TENM2: variants seen among roughly 807,000 people sequenced by gnomAD.
TENM2 encodes teneurin transmembrane protein 2.
In TENM2, 52 loss-of-function variants were observed where a neutral mutation model predicts 245.2. The ratio of observed to expected loss-of-function variants is 0.21; its 90% CI spans 0.17 to 0.27. The LOEUF is 0.27. Ranked by LOEUF, TENM2 falls within the 10% of genes least tolerant of loss-of-function variation. The pLI is 1.00. For synonymous variants in TENM2, 1,363 were observed against 1,438.9 expected (o/e 0.95, Z 1.19); for missense variants, 3,046 against 3,666.8 (o/e 0.83, Z 4.37).
intron 2 of TENM2, among the ~76,000 whole-genome samples, chr5:167,835,703 C>G (rs1302021310): frequency 6.6e-6 from 1 of 151,578 alleles, no homozygotes; most frequent in East Asian, 1.9e-4. Context: ...ATGGAAGCTG[C>G]ATATGAATAT....
intron 20 of TENM2, among the ~76,000 whole-genome samples, chr5:168,212,876 A>G (rs1762894830): frequency 6.6e-6 from 1 of 152,184 alleles, no homozygotes; most frequent in South Asian, 2.1e-4. Flanking sequence ...GTATGAGACC[A>G]TGGAGAAGAA....
intron 2 of TENM2, among the ~76,000 whole-genome samples, chr5:167,749,679 T>C (rs927987828): frequency 1.3e-5 from 2 of 151,672 alleles, no homozygotes; most frequent in African/African-American, 2.4e-5. Context: ...ATATTTATAA[T>C]GGGCTGAGTA....
intron 7 of TENM2, among the ~76,000 whole-genome samples, chr5:168,067,285 A>G (rs544149770): frequency 6.6e-6 from 1 of 152,276 alleles, no homozygotes; most frequent in Admixed American, 6.5e-5. Context: ...GTACCCCCTA[A>G]TGCTTTATGC....
At chr5:168,058,293 A>G (rs17439806) in intron 6 of TENM2, among the ~76,000 whole-genome samples, 1,576 of 152,324 alleles carry the variant, frequency 0.01, 12 homozygotes, top group Non-Finnish European at 0.018. Flanking sequence ...AGTTTGATCC[A>G]GTTCAATAAG....
At chr5:167,773,292 C>G (rs1027193829) in intron 2 of TENM2, among the ~76,000 whole-genome samples, 1 of 152,152 alleles carries the variant, frequency 6.6e-6, no homozygotes, top group African/African-American at 2.4e-5. Context: ...GAGAGTAAAT[C>G]AGATGCAAAC....
At position 167,671,240 on chromosome 5, in the gene TENM2, G is replaced by T. The variant is rs77146438; in HGVS notation, c.503-204746G>T. 6.2e-3 allele frequency among the ~76,000 whole-genome samples: 938 copies of T among 152,250 alleles called. 5 individuals are homozygous for T. Among genetic ancestry groups the T allele is most frequent in the African/African-American group, 0.02 (820 of 41,558 alleles). Reference sequence around the variant, plus strand: ...ATGAAGTTTATGTTGAGACTATTTTGCTGTTGTATAATAGCCCTGACATAA... The same window carrying T: ...ATGAAGTTTATGTTGAGACTATTTTTCTGTTGTATAATAGCCCTGACATAA... On this transcript the variant is annotated intron_variant, in intron 2 of 28. Coordinates refer to ENST00000518659, the Ensembl canonical transcript of TENM2.
At chr5:166,984,979 G>A in the TENM2 span, among the ~76,000 whole-genome samples, 170 of 152,026 alleles carry the variant, frequency 1.1e-3, no homozygotes, top group Middle Eastern at 6.8e-3. Flanking sequence ...GACAGGCCAC[G>A]TACTGAGCTA....
At chr5:167,384,240 GGA>G (rs1761276825) in intron 2 of TENM2, among the ~76,000 whole-genome samples, 1 of 152,104 alleles carries the variant, frequency 6.6e-6, no homozygotes, top group African/African-American at 2.4e-5. Context: ...ACCTCAATAG[GGA>G]GAGAAGAAAA....
chr5:167,504,133 G>A (rs994684733), intron 2 of TENM2, among the ~76,000 whole-genome samples: 3 of 152,066 alleles, frequency 2.0e-5, no homozygotes, highest in African/African-American at 7.2e-5. Flanking sequence ...TTTGTCCAAT[G>A]GAAGTGATAC....
chr5:167,911,482 G>A (rs983343595), intron 3 of TENM2, among the ~76,000 whole-genome samples: 2 of 152,164 alleles, frequency 1.3e-5, no homozygotes, highest in African/African-American at 2.4e-5. Flanking sequence ...AGCCGAGATC[G>A]CGCCACTGCA....
chr5:167,792,430 T>C (rs1256726114), intron 2 of TENM2, among the ~76,000 whole-genome samples: 1 of 151,886 alleles, frequency 6.6e-6, no homozygotes, highest in Non-Finnish European at 1.5e-5. Flanking sequence ...CCCATTATTG[T>C]TTGTAGCACA....
intron 25 of TENM2, chr5:168,229,624 C>CCCTGAGAGTAGAAGGCTCAGCATCGCCA (rs1306426468): frequency 3.9e-5 from 6 of 152,162 alleles, no homozygotes; most frequent in Non-Finnish European, 8.8e-5. Flanking sequence ...GCTTTGGAAT[C>CCCTGAGAGTAGAAGGCTCAGCATCGCCA]CCTGAGAGTA....
chr5:168,189,276 G>A (rs1441493643), intron 13 of TENM2, among the ~76,000 whole-genome samples: 1 of 152,146 alleles, frequency 6.6e-6, no homozygotes, highest in Non-Finnish European at 1.5e-5. Flanking sequence ...CCTGGCCAGG[G>A]GCATCATCCA....
chr5:167,210,126 G>A, the TENM2 span, among the ~76,000 whole-genome samples: 12 of 152,152 alleles, frequency 7.9e-5, no homozygotes, highest in African/African-American at 2.7e-4. Context: ...ACTTCATAAA[G>A]TAGGTATCAT....
At chr5:167,900,143 G>C (rs11743868) in intron 3 of TENM2, among the ~76,000 whole-genome samples, 4 of 126,694 alleles carry the variant, frequency 3.2e-5, no homozygotes, top group Non-Finnish European at 6.3e-5. Flanking sequence ...AGGGGGGGGG[G>C]GTTTTGGAAA....
chr5:167,744,503 A>G (rs2150607643), intron 2 of TENM2, among the ~76,000 whole-genome samples: 1 of 152,310 alleles, frequency 6.6e-6, no homozygotes, highest in Non-Finnish European at 1.5e-5. Flanking sequence ...CTTGTAATAT[A>G]TAGTAGGAGT....
chr5:168,116,801 A>T (rs1015028646), intron 9 of TENM2, among the ~76,000 whole-genome samples: 5 of 152,090 alleles, frequency 3.3e-5, no homozygotes, highest in Non-Finnish European at 7.4e-5. Flanking sequence ...CTAGGAAGTG[A>T]CATGATTAGG....
intron 15 of TENM2, among the ~76,000 whole-genome samples, 188 bp downstream of exon 17, chr5:168,195,483 A>G (rs567031768): frequency 4.6e-5 from 7 of 152,042 alleles, no homozygotes; most frequent in African/African-American, 1.7e-4. Flanking sequence ...AACAGAAAAT[A>G]AATAGGAAAG....
At chr5:167,436,796 C>T (rs530966601) in intron 2 of TENM2, among the ~76,000 whole-genome samples, 32 of 152,238 alleles carry the variant, frequency 2.1e-4, no homozygotes, top group Non-Finnish European at 2.8e-4. Context: ...GCTCTTCCTT[C>T]GGAGGGTGAA....
Sources: allele counts gnomAD v4.1 joint callset (sites outside exome capture counted in the v4.1 genomes callset), GRCh38; gene constraint gnomAD v4.1.1; transcripts MANE v1.5; gene names NCBI Gene and HGNC (gene_info 2026-07-23, HGNC 2026-07-21).